The following COL15A1 variants were observed in gnomAD, a reference collection of about 807,000 sequenced individuals.
The protein encoded by COL15A1 is collagen type XV alpha 1 chain, also known as collagen alpha-1(XV) chain.
A neutral mutation model predicts 165.9 loss-of-function variants in COL15A1; 111 were observed. That is an observed-to-expected ratio of 0.67 (90% CI 0.57 to 0.78). COL15A1 has a LOEUF of 0.78. COL15A1 is among the 30% of genes least tolerant of loss of function. COL15A1 has a pLI of 0.00. For missense variants in COL15A1, 1,745 were observed against 1,789.7 expected, an observed-to-expected ratio of 0.98 and a Z score of 0.45; for synonymous variants, 659 against 674.8, an observed-to-expected ratio of 0.98 and a Z score of 0.36.
Position 99,022,091 on chromosome 9 carries a change from G to A in COL15A1, c.1702G>A (p.Gly568Ser). The stretch of plus-strand genomic sequence containing the variant: ...TCACTGACCATTTTGTTCTCTTTAG[G>A]GTGATGCTGGGGAGGAGCTTCCTGG... ...KGQAGPKGEK[G>S]DAGEELPGPP... The change falls in exon 13 of 42, where the codon GGT becomes AGT. Residue 568 changes from glycine (G) to serine (S), a missense_variant and splice_region_variant. Coordinates refer to ENST00000375001, the MANE Select transcript of COL15A1 (RefSeq NM_001855.5). 1 of 1,614,112 alleles carries A rather than the reference G, an allele frequency of 6.2e-7. No individual in the cohort carries two copies. Among genetic ancestry groups the A allele is most frequent in the Non-Finnish European group, 8.5e-7 (1 of 1,179,984 alleles).
intron 9 of COL15A1, among the ~76,000 whole-genome samples, chr9:99,011,454 T>C (rs1337863786): frequency 6.7e-6 from 1 of 148,660 alleles, no homozygotes; most frequent in Non-Finnish European, 1.5e-5. Flanking sequence ...AAATTTACCA[T>C]AAAAGATTCT....
In COL15A1 at chr9:99,016,023, C is replaced by G; in HGVS notation, c.1551C>G (p.Pro517=). The G allele has an allele frequency of 6.2e-7, 1 of 1,614,082 alleles. No individual in the cohort carries two copies. Among genetic ancestry groups the G allele is most frequent in the South Asian group, 1.1e-5 (1 of 91,064 alleles). The change falls in exon 11 of 42, where the codon CCC becomes CCG. Residue 517 remains proline, a synonymous_variant. Coordinates refer to ENST00000375001, the MANE Select transcript of COL15A1 (RefSeq NM_001855.5). ...TGGCAGCAGCCACAACAGAGGAGCC[C>G]CTCATCACAGCTGGGGGTGAAGAGT... is the stretch of plus-strand genomic sequence containing the variant. ...EDLAAATTEE[P]LITAGGEESG...
rs779796234 is a variant in COL15A1, at chr9:99,055,156, G to A, written c.3081+5G>A. 8.1e-6 allele frequency: 13 copies of A among 1,612,092 alleles called. No homozygotes were observed. The East Asian group carries it at 2.2e-4, about 28-fold the overall frequency. The stretch of plus-strand genomic sequence containing the variant: ...CACTTTCTGAACAACTTGAAGGTGA[G>A]TATTTCTCTACCAATATTTGGCCTG... On this transcript the variant is annotated splice_donor_5th_base_variant and intron_variant, in intron 33 of 41. Transcript: ENST00000375001.
At chr9:98,993,588 G>A (rs942332041) in intron 5 of COL15A1, among the ~76,000 whole-genome samples, 1 of 152,134 alleles carries the variant, frequency 6.6e-6, no homozygotes, top group African/African-American at 2.4e-5. Flanking sequence ...GGTGTTTGGG[G>A]TCTCTTCTAC....
intron 11 of COL15A1, among the ~76,000 whole-genome samples, chr9:99,016,945 C>T (rs1380411003): frequency 6.6e-6 from 1 of 152,214 alleles, no homozygotes; most frequent in African/African-American, 2.4e-5. Context: ...TCAGGACAGC[C>T]CCCTGAGGTC....
chr9:99,063,305 G>A (rs1825846901), intron 39 of COL15A1, among the ~76,000 whole-genome samples, 196 bp downstream of exon 39: 1 of 152,158 alleles, frequency 6.6e-6, no homozygotes, highest in African/African-American at 2.4e-5. Flanking sequence ...GGGGTATAAG[G>A]GAGGGCAGAG....
intron 12 of COL15A1, among the ~76,000 whole-genome samples, chr9:99,021,628 A>G (rs1480136216): frequency 2.0e-5 from 3 of 152,172 alleles, no homozygotes; most frequent in African/African-American, 7.2e-5. Flanking sequence ...GAGGTGATTC[A>G]GGCACTGTGC....
At chr9:99,005,352 C>T (rs1372758948) in intron 9 of COL15A1, among the ~76,000 whole-genome samples, 4 of 151,970 alleles carry the variant, frequency 2.6e-5, no homozygotes, top group Admixed American at 6.5e-5. Context: ...GGAGGAGTGG[C>T]GGGCTCCTGG....
chr9:98,997,180 C>T, intron 6 of COL15A1, 99 bp downstream of exon 6: 3 of 1,433,120 alleles, frequency 2.1e-6, no homozygotes, highest in Admixed American at 1.9e-5. Context: ...TCTCATTTAA[C>T]CTTCCCCTCA....
chr9:99,049,299 C>A (rs992247635), intron 28 of COL15A1, among the ~76,000 whole-genome samples: 3 of 152,210 alleles, frequency 2.0e-5, no homozygotes, highest in Admixed American at 6.5e-5. Context: ...GGGACCCCCA[C>A]AGTCCATTCC....
chr9:98,952,424 C>T (rs1173775771), intron 2 of COL15A1, among the ~76,000 whole-genome samples: 3 of 152,192 alleles, frequency 2.0e-5, no homozygotes, highest in Admixed American at 1.3e-4. Context: ...CTCTACTCAT[C>T]TTATTCCTGA....
At chr9:99,025,155 A>G (rs1839102385) in intron 15 of COL15A1, among the ~76,000 whole-genome samples, 156 bp downstream of exon 15, 1 of 152,222 alleles carries the variant, frequency 6.6e-6, no homozygotes, top group Admixed American at 6.5e-5. Context: ...CATCTGAATC[A>G]TTGCTGAGAT....
intron 2 of COL15A1, among the ~76,000 whole-genome samples, chr9:98,983,171 C>T (rs917412387): frequency 2.6e-5 from 4 of 152,118 alleles, no homozygotes; most frequent in East Asian, 1.9e-4. Context: ...TTAGTACTGG[C>T]GGTGAGCAGC....
At chr9:99,006,150 A>T (rs1838758930) in intron 9 of COL15A1, among the ~76,000 whole-genome samples, 1 of 152,208 alleles carries the variant, frequency 6.6e-6, no homozygotes, top group Admixed American at 6.5e-5. Flanking sequence ...AATTCAGCTC[A>T]AACACCACTT....
intron 11 of COL15A1, among the ~76,000 whole-genome samples, chr9:99,016,611 G>T (rs1043955698): frequency 2.0e-5 from 3 of 152,244 alleles, no homozygotes; most frequent in African/African-American, 7.2e-5. Context: ...GTCAGAGAAT[G>T]AATGCAGGTT....
intron 16 of COL15A1, among the ~76,000 whole-genome samples, chr9:99,033,149 A>G (rs1392516988): frequency 6.6e-6 from 1 of 152,184 alleles, no homozygotes; most frequent in African/African-American, 2.4e-5. Context: ...CTGTTGGTGC[A>G]GACTGTTGGG....
chr9:99,050,751 T>C (rs1588534258), intron 30 of COL15A1, among the ~76,000 whole-genome samples: 2 of 152,354 alleles, frequency 1.3e-5, no homozygotes, highest in East Asian at 3.9e-4. Flanking sequence ...CTCAGGAGCT[T>C]GCAAATTACA....
intron 40 of COL15A1, among the ~76,000 whole-genome samples, chr9:99,068,123 G>T (rs1825924751): frequency 1.3e-5 from 2 of 152,142 alleles, no homozygotes; most frequent in African/African-American, 4.8e-5. Flanking sequence ...CAGGCTCTAG[G>T]ATTGGGGCTG....
chr9:98,950,191 T>C (rs1477979669), intron 2 of COL15A1, among the ~76,000 whole-genome samples: 2 of 152,240 alleles, frequency 1.3e-5, no homozygotes, highest in African/African-American at 4.8e-5. Context: ...CTGTTTCTAC[T>C]TCTTTGCACC....
Sources: allele counts gnomAD v4.1 joint callset (sites outside exome capture counted in the v4.1 genomes callset), GRCh38; gene constraint gnomAD v4.1.1; transcripts MANE v1.5; gene names NCBI Gene and HGNC (gene_info 2026-07-23, HGNC 2026-07-21).